The following TCEA1 variants were observed in gnomAD, a reference collection of about 807,000 sequenced individuals.
The protein encoded by TCEA1 is transcription elongation factor A protein 1.
In TCEA1, 21 loss-of-function variants were observed where a neutral mutation model predicts 43.8. The ratio of observed to expected loss-of-function variants is 0.48; its 90% CI spans 0.34 to 0.69. The LOEUF is 0.69. Ranked by LOEUF, TCEA1 falls within the 30% of genes least tolerant of loss-of-function variation. TCEA1 has a pLI of 0.01. For missense variants in TCEA1, 250 were observed against 365.1 expected (o/e 0.68, Z 2.57); for synonymous variants, 104 against 117.5 (o/e 0.88, Z 0.75).
Position 53,968,033 on chromosome 8 carries a change from T to A in TCEA1, c.*71A>T. ...TTTGATTTGCAGGAAAACTAGTTGC[T>A]TGGCCTAGTTTAAAGCTAGTTACAA... is the stretch of plus-strand genomic sequence containing the variant. On this transcript the variant is annotated 3_prime_UTR_variant, in exon 10 of 10. Coordinates refer to ENST00000521604, the MANE Select transcript of TCEA1 (RefSeq NM_006756.4). 1 of 1,373,846 alleles carries A rather than the reference T, an allele frequency of 7.3e-7. No homozygotes were observed. The highest frequency in any genetic ancestry group is 9.9e-7 in the Non-Finnish European group (1 of 1,006,442). The allele number at this position is 1,373,846 out of a possible 1,614,324, so 85.1% of individuals were successfully genotyped here. A position where few individuals can be genotyped will look rare whatever the true frequency, so the allele number is the denominator to read the frequency against.
At chr8:53,973,824 C>A in intron 8 of TCEA1, 1 of 395,878 alleles carries the variant, frequency 2.5e-6, no homozygotes. Flanking sequence ...GGAAAAAACC[C>A]TTGAGGAGAA....
intron 6 of TCEA1, 78 bp downstream of exon 6, chr8:53,986,891 C>T: frequency 8.8e-7 from 1 of 1,137,016 alleles, no homozygotes; most frequent in Non-Finnish European, 1.3e-6. Flanking sequence ...GCATGTAAAA[C>T]CGTGCCTGGC....
intron 6 of TCEA1, among the ~76,000 whole-genome samples, 152 bp from the exon 7 acceptor site, chr8:53,984,669 G>A (rs1013000031): frequency 6.6e-6 from 1 of 151,984 alleles, no homozygotes; most frequent in Non-Finnish European, 1.5e-5. Flanking sequence ...GGATCACGAG[G>A]TCAGGAGATC....
chr8:54,008,555 C>T (rs895922346), intron 2 of TCEA1, among the ~76,000 whole-genome samples: 16 of 150,592 alleles, frequency 1.1e-4, no homozygotes, highest in African/African-American at 3.7e-4. Context: ...GGGTAAGGGA[C>T]GGGAGGGGCT....
intron 2 of TCEA1, among the ~76,000 whole-genome samples, chr8:54,008,608 T>A (rs542179037): frequency 1.1e-4 from 16 of 150,738 alleles, no homozygotes; most frequent in African/African-American, 3.9e-4. Context: ...GAGGCTGCAG[T>A]CAGCCAATGA....
intron 1 of TCEA1, among the ~76,000 whole-genome samples, chr8:54,018,331 C>T (rs1042293270): frequency 4.6e-5 from 7 of 152,168 alleles, no homozygotes; most frequent in African/African-American, 1.7e-4. Flanking sequence ...AACTTTATGT[C>T]CTTGCCTCAC....
At chr8:53,979,969 C>G (rs973280398) in intron 7 of TCEA1, among the ~76,000 whole-genome samples, 2 of 152,118 alleles carry the variant, frequency 1.3e-5, no homozygotes, top group Non-Finnish European at 2.9e-5. Flanking sequence ...CTTGTAAAAC[C>G]CTAACCTCCA....
At position 53,967,749 on chromosome 8, in the gene TCEA1, CAG is replaced by C. The variant is rs1203489042; in HGVS notation, c.*353_*354del. The C allele has an allele frequency of 4.0e-6, 1 of 246,948 alleles. No individual in the cohort carries two copies. The highest frequency in any genetic ancestry group is 7.8e-6 in the Non-Finnish European group (1 of 128,198). 15.3% of individuals were successfully genotyped at this position (246,948 alleles called of 1,614,324 possible). ...TGTATTTTCATTTATGTATTAATAA[CAG>C]AGAGTAACAGAATTTCTACTGTGTA... On this transcript the variant is annotated 3_prime_UTR_variant, in exon 10 of 10. Coordinates refer to ENST00000521604, the MANE Select transcript of TCEA1 (RefSeq NM_006756.4).
intron 2 of TCEA1, among the ~76,000 whole-genome samples, chr8:54,003,997 C>T (rs1332730807): frequency 6.6e-6 from 1 of 151,062 alleles, no homozygotes; most frequent in Non-Finnish European, 1.5e-5. Context: ...GACATTTCTC[C>T]GAATAAGATA....
chr8:54,011,694 A>G (rs893897185), intron 1 of TCEA1, among the ~76,000 whole-genome samples: 1 of 152,260 alleles, frequency 6.6e-6, no homozygotes, highest in African/African-American at 2.4e-5. Flanking sequence ...CAAAGGAAAA[A>G]GCGAGCAAAG....
At chr8:54,011,321 T>C (rs141014339) in intron 1 of TCEA1, among the ~76,000 whole-genome samples, 102 of 152,346 alleles carry the variant, frequency 6.7e-4, no homozygotes, top group African/African-American at 2.3e-3. Flanking sequence ...AAGCATTTCA[T>C]AGAAGAATCC....
At chr8:54,001,415 T>C (rs1194066824) in intron 2 of TCEA1, among the ~76,000 whole-genome samples, 3 of 152,194 alleles carry the variant, frequency 2.0e-5, no homozygotes, top group Non-Finnish European at 2.9e-5. Context: ...ATTTAGAATA[T>C]GTGGTTGGCT....
chr8:53,994,802 C>T (rs546184118), intron 3 of TCEA1, among the ~76,000 whole-genome samples: 6 of 150,840 alleles, frequency 4.0e-5, no homozygotes, highest in South Asian at 4.2e-4. Context: ...ACCCAGGAGG[C>T]GGAGGTTGCA....
intron 8 of TCEA1, chr8:53,972,184 A>G (rs1803177152): frequency 3.2e-6 from 1 of 316,226 alleles, no homozygotes; most frequent in Non-Finnish European, 6.2e-6. Flanking sequence ...TTTGACAAAG[A>G]TGCTCTAAAG....
rs546273030 is a variant in TCEA1, at chr8:53,982,636, A to G, written c.678+1727T>C. ...ACCAAAAAAAAAAAAAAAAAAAAAA[A>G]ATGAAAGTAACCACAGATGTAATGG... On this transcript the variant is annotated intron_variant, in intron 7 of 9. Transcript: ENST00000521604. 3.7e-3 allele frequency among the ~76,000 whole-genome samples: 562 copies of G among 151,202 alleles called. 4 individuals carry two copies. Among genetic ancestry groups the G allele is most frequent in the African/African-American group, 0.013 (535 of 41,166 alleles).
intron 3 of TCEA1, among the ~76,000 whole-genome samples, chr8:53,998,999 C>A (rs556924157): frequency 6.6e-6 from 1 of 152,002 alleles, no homozygotes; most frequent in Non-Finnish European, 1.5e-5. Flanking sequence ...GAGGCCAAGG[C>A]GGGCAGATCA....
intron 3 of TCEA1, among the ~76,000 whole-genome samples, chr8:53,994,867 T>C (rs1197100654): frequency 6.7e-6 from 1 of 148,520 alleles, no homozygotes; most frequent in African/African-American, 2.5e-5. Flanking sequence ...CAAGACTCTG[T>C]CTCAAAAAAA....
intron 3 of TCEA1, among the ~76,000 whole-genome samples, chr8:53,996,574 G>C (rs1804057797): frequency 6.6e-6 from 1 of 152,116 alleles, no homozygotes; most frequent in South Asian, 2.1e-4. Flanking sequence ...TAGGCAGAAA[G>C]ATATCCATCA....
At chr8:53,972,970 A>C in intron 8 of TCEA1, 1 of 665,168 alleles carries the variant, frequency 1.5e-6, no homozygotes, top group East Asian at 2.9e-5. Flanking sequence ...TGCAATGGGA[A>C]CATCAATGGT....
Sources: gnomAD v4.1 joint callset for allele counts (sites outside exome capture counted in the v4.1 genomes callset) on GRCh38, gnomAD v4.1.1 for gene constraint, MANE v1.5 for transcripts, NCBI Gene and HGNC (gene_info 2026-07-23, HGNC 2026-07-21) for gene names.